CALD1: variants seen among roughly 807,000 people sequenced by gnomAD.
CALD1 encodes the protein caldesmon 1.
CALD1 carries 33 observed loss-of-function variants against 99.9 expected under a neutral mutation model. The observed-to-expected ratio is 0.33, with a 90% confidence interval of 0.25 to 0.44. CALD1 has a LOEUF of 0.44. CALD1 is among the 20% of genes least tolerant of loss of function. CALD1 has a pLI of 1.00. For synonymous variants in CALD1, 310 were observed against 325.0 expected, an observed-to-expected ratio of 0.95 and a Z score of 0.50; for missense variants, 861 against 962.1, an observed-to-expected ratio of 0.89 and a Z score of 1.39.
intron 2 of CALD1, among the ~76,000 whole-genome samples, chr7:134,854,807 T>C (rs1192124494): frequency 6.6e-6 from 1 of 152,178 alleles, no homozygotes; most frequent in African/African-American, 2.4e-5. Context: ...GGCAGTGTGA[T>C]ATGGTTTGGA....
chr7:134,772,702 A>T (rs1368261522), intron 1 of CALD1, among the ~76,000 whole-genome samples: 1 of 152,224 alleles, frequency 6.6e-6, no homozygotes, highest in Non-Finnish European at 1.5e-5. Context: ...AAATTTTTTT[A>T]AATTATAATG....
intron 1 of CALD1, among the ~76,000 whole-genome samples, chr7:134,815,749 T>A (rs1262790310): frequency 6.6e-6 from 1 of 152,190 alleles, no homozygotes; most frequent in Non-Finnish European, 1.5e-5. Flanking sequence ...CTGAGAAATT[T>A]GGTGTTTAGA....
intron 2 of CALD1, among the ~76,000 whole-genome samples, chr7:134,858,577 T>G (rs998152211): frequency 6.6e-6 from 1 of 151,976 alleles, no homozygotes; most frequent in African/African-American, 2.4e-5. Flanking sequence ...AGTTGAAAGA[T>G]CTCTTTTTTT....
At position 134,906,190 on chromosome 7, in the gene CALD1, A is replaced by C. The variant is rs553934584; in HGVS notation, c.72-22564A>C. Among the ~76,000 whole-genome samples, 2 of 152,056 alleles carry C rather than the reference A, an allele frequency of 1.3e-5. 1 individual carries two copies. Among genetic ancestry groups the C allele is most frequent in the South Asian group, 4.2e-4 (2 of 4,814 alleles). ...GGTGATCCACCCACCTGAGACTCCCAAAGTGCTGGGATTACAGGCATGAGC... is the reference window on the plus strand; with the variant it reads ...GGTGATCCACCCACCTGAGACTCCCCAAGTGCTGGGATTACAGGCATGAGC... On this transcript the variant is annotated intron_variant, in intron 3 of 14. Coordinates refer to ENST00000361675, the MANE Select transcript of CALD1 (RefSeq NM_033138.4).
chr7:134,789,603 T>C (rs954319176), intron 1 of CALD1, among the ~76,000 whole-genome samples: 3 of 152,160 alleles, frequency 2.0e-5, no homozygotes, highest in African/African-American at 7.2e-5. Flanking sequence ...CAATTACAAA[T>C]GGTCAGCTAT....
chr7:134,898,737 T>C (rs1031703193), intron 3 of CALD1, among the ~76,000 whole-genome samples: 1 of 152,020 alleles, frequency 6.6e-6, no homozygotes, highest in Non-Finnish European at 1.5e-5. Context: ...TGTATTTTTG[T>C]AGAGATGGAG....
At chr7:134,741,311 T>C (rs546755261), upstream of CALD1, among the ~76,000 whole-genome samples, 26 of 152,136 alleles carry the variant, frequency 1.7e-4, no homozygotes, top group Non-Finnish European at 3.2e-4. Context: ...AAAAGCCCCT[T>C]ATAAAACTAT....
intron 8 of CALD1, 199 bp downstream of exon 8, chr7:134,947,968 C>A: frequency 1.8e-6 from 1 of 570,398 alleles, no homozygotes. Flanking sequence ...GGTACTAATC[C>A]CCATTTTACA....
rs143452916 is a variant in CALD1 at position 134,959,985 on chromosome 7, C to T, written c.2073C>T (p.Ser691=). Residue 691 remains serine (S), a synonymous_variant, in exon 12 of 15, where the codon AGC becomes AGT. Coordinates refer to ENST00000361675, the MANE Select transcript of CALD1 (RefSeq NM_033138.4). ...CTCACAAATTTCAGGGAACAAAAAG[C>T]GCAAAACCTACAAAGCCGGCAGCCT... ...QYTSAIEGTK[S]AKPTKPAASD... The T allele has an allele frequency of 1.3e-4, 203 of 1,613,400 alleles. No individual in the cohort carries two copies. Among genetic ancestry groups the T allele is most frequent in the Non-Finnish European group, 1.5e-4 (182 of 1,179,802 alleles).
the CALD1 span, among the ~76,000 whole-genome samples, chr7:134,711,658 C>CTATATA: frequency 4.2e-4 from 28 of 66,970 alleles, no homozygotes; most frequent in African/African-American, 1.6e-3. Flanking sequence ...CTCTCTCTCT[C>CTATATA]TCTATATATA....
upstream of CALD1, among the ~76,000 whole-genome samples, chr7:134,777,183 G>A (rs1446152124): frequency 6.6e-6 from 1 of 150,704 alleles, no homozygotes; most frequent in Non-Finnish European, 1.5e-5. Context: ...TTAAATTCTT[G>A]ATTGTTTAAA....
rs141290124 is a variant in CALD1, at chr7:134,835,871, C to T, written c.-129-8013C>T. ...CAGATAAAAGATAAATGAGGCTAGG[C>T]GAGGTGGCTCACACCTGTAATCCCA... On this transcript the variant is annotated intron_variant, in intron 1 of 14. Transcript: ENST00000361675. Among the ~76,000 whole-genome samples the T allele has an allele frequency of 3.9e-4, 60 of 152,114 alleles. No homozygotes were observed. The East Asian group carries it at 8.5e-3, about 22-fold the overall frequency.
rs1366376875 is a variant in CALD1 at position 134,933,633 on chromosome 7, A to G, written c.864A>G (p.Ile288Met). 6.2e-7 allele frequency: 1 copy of G among 1,610,892 alleles called. No individual in the cohort carries two copies. Among genetic ancestry groups the G allele is most frequent in the African/African-American group, 1.3e-5 (1 of 74,900 alleles). Residue 288 changes from isoleucine (I) to methionine (M), a missense_variant, in exon 5 of 15, where the codon ATA becomes ATG. Ile to Met is a conservative substitution (Grantham distance 10). This residue lies in a region of CALD1 where 234 missense variants were observed against 233.1 expected (regional missense o/e 1.00). Transcript: ENST00000361675. ...TTAAAGCCGAGCAAGACAAAAAGATAGCAGATGAACGAGCAAGAATTGAAG... is the reference window on the plus strand; with the variant it reads ...TTAAAGCCGAGCAAGACAAAAAGATGGCAGATGAACGAGCAAGAATTGAAG... ...ERIKAEQDKK[I>M]ADERARIEAE... is the part of the protein sequence containing the mutation.
rs546740143 is a variant in CALD1 at position 134,856,225 on chromosome 7, G to A, written c.-41-11468G>A. ...TAGCGAGGAAACAGGCAGGCAGAGT[G>A]AGCTTCTGCATTTTTTAAAGTCTAA... On this transcript the variant is annotated intron_variant, in intron 2 of 14. Coordinates refer to ENST00000361675, the MANE Select transcript of CALD1 (RefSeq NM_033138.4). Among the ~76,000 whole-genome samples the A allele has an allele frequency of 2.0e-5, 3 of 152,316 alleles. No homozygotes were observed. In the South Asian group the frequency reaches 6.2e-4, roughly 32 times the overall value.
intron 6 of CALD1, among the ~76,000 whole-genome samples, chr7:134,936,609 A>C (rs1367076803): frequency 6.6e-6 from 1 of 152,270 alleles, no homozygotes; most frequent in Non-Finnish European, 1.5e-5. Context: ...ATCTATTAAG[A>C]AAACTATGGC....
At chr7:134,916,348 G>A (rs1804200611) in intron 3 of CALD1, among the ~76,000 whole-genome samples, 1 of 152,174 alleles carries the variant, frequency 6.6e-6, no homozygotes. Flanking sequence ...GGAGGAACAA[G>A]ATGGGAGGCA....
At chr7:134,724,547 G>T in the CALD1 span, among the ~76,000 whole-genome samples, 1 of 152,276 alleles carries the variant, frequency 6.6e-6, no homozygotes, top group Admixed American at 6.5e-5. Flanking sequence ...TGGTAGTGTT[G>T]CATATGCAAT....
chr7:134,943,087 A>G (rs1794214948), intron 7 of CALD1, among the ~76,000 whole-genome samples: 1 of 152,168 alleles, frequency 6.6e-6, no homozygotes, highest in South Asian at 2.1e-4. Context: ...TTTTAGTTTC[A>G]ATTAGAAGTT....
chr7:134,717,119 C>T, the CALD1 span, among the ~76,000 whole-genome samples: 2 of 152,174 alleles, frequency 1.3e-5, no homozygotes, highest in African/African-American at 4.8e-5. Context: ...CTTTCCCCCA[C>T]CTCAACACAC....
Sources: gnomAD v4.1 joint callset for allele counts (sites outside exome capture counted in the v4.1 genomes callset) on GRCh38, gnomAD v4.1.1 for gene constraint, gnomAD v4.1.1 regional missense constraint, MANE v1.5 for transcripts, NCBI Gene and HGNC (gene_info 2026-07-23, HGNC 2026-07-21) for gene names.